The following ZNF804B variants were observed in gnomAD, a reference collection of about 807,000 sequenced individuals.
ZNF804B encodes the protein zinc finger 804B.
A neutral mutation model predicts 101.4 loss-of-function variants in ZNF804B; 80 were observed. The ratio of observed to expected loss-of-function variants is 0.79; its 90% CI spans 0.66 to 0.95. The LOEUF (loss-of-function observed/expected upper bound fraction) is 0.95, where lower values mean the gene tolerates loss of function less well. Ranked by LOEUF, ZNF804B falls within the 40% of genes least tolerant of loss-of-function variation. ZNF804B has a pLI of 0.00. For synonymous variants in ZNF804B, 622 were observed against 558.8 expected (o/e 1.11, Z -1.59); for missense variants, 1,673 against 1,561.9 (o/e 1.07, Z -1.20).
At chr7:88,913,662 C>T (rs545163479) in intron 1 of ZNF804B, among the ~76,000 whole-genome samples, 1 of 152,318 alleles carries the variant, frequency 6.6e-6, no homozygotes, top group East Asian at 1.9e-4. Flanking sequence ...TCCCAAAGTG[C>T]TGGGATTACA....
intron 1 of ZNF804B, among the ~76,000 whole-genome samples, chr7:89,001,633 GA>G: frequency 6.6e-6 from 1 of 152,020 alleles, no homozygotes; most frequent in African/African-American, 2.4e-5. Flanking sequence ...AATTATGGTA[GA>G]AAATATGAAG....
chr7:89,041,316 G>T (rs1789014413), intron 1 of ZNF804B, among the ~76,000 whole-genome samples: 1 of 152,140 alleles, frequency 6.6e-6, no homozygotes, highest in Admixed American at 6.5e-5. Flanking sequence ...TGGTAGGCCT[G>T]CTACCTGTAT....
chr7:89,025,289 T>C (rs1397160946), intron 1 of ZNF804B, among the ~76,000 whole-genome samples: 1 of 152,130 alleles, frequency 6.6e-6, no homozygotes, highest in South Asian at 2.1e-4. Context: ...ACATAAGTTT[T>C]GTTATTTGTA....
intron 1 of ZNF804B, among the ~76,000 whole-genome samples, chr7:88,882,633 C>T (rs572519828): frequency 6.6e-6 from 1 of 152,224 alleles, no homozygotes; most frequent in East Asian, 1.9e-4. Flanking sequence ...AGGTGCCCAT[C>T]AGTGGTTGAC....
At chr7:88,925,926 T>C (rs1792790482) in intron 1 of ZNF804B, among the ~76,000 whole-genome samples, 1 of 152,160 alleles carries the variant, frequency 6.6e-6, no homozygotes, top group Non-Finnish European at 1.5e-5. Context: ...TGTGACATGC[T>C]TCCTATGCAG....
chr7:89,015,016 T>A (rs1023519779), intron 1 of ZNF804B, among the ~76,000 whole-genome samples: 3 of 152,208 alleles, frequency 2.0e-5, no homozygotes, highest in African/African-American at 7.2e-5. Context: ...CATTTTGAGT[T>A]GATTTTTTGC....
intron 1 of ZNF804B, among the ~76,000 whole-genome samples, chr7:89,090,615 C>T (rs1378677360): frequency 6.6e-6 from 1 of 151,944 alleles, no homozygotes; most frequent in African/African-American, 2.4e-5. Flanking sequence ...GGAAATTCAG[C>T]ATTACTAATT....
intron 1 of ZNF804B, among the ~76,000 whole-genome samples, chr7:89,038,102 ATCTTG>A (rs1369948271): frequency 6.6e-6 from 1 of 152,150 alleles, no homozygotes; most frequent in Non-Finnish European, 1.5e-5. Context: ...TTGATTCCAT[ATCTTG>A]TCTTGTGTCA....
chr7:89,335,848 G>C lies in ZNF804B; in HGVS notation c.2866G>C (p.Glu956Gln). 6.2e-7 allele frequency: 1 copy of C among 1,614,070 alleles called. No individual in the cohort carries two copies. Among genetic ancestry groups the C allele is most frequent in the Non-Finnish European group, 8.5e-7 (1 of 1,179,978 alleles). The change falls in exon 4 of 4, where the codon GAG (glutamate) becomes CAG (glutamine). Residue 956 changes from glutamate to glutamine, a missense_variant. Transcript: ENST00000333190. ...ISSNSCKSEL[E>Q]APSQVPCTIQ... ...TTCAAACAGTTGTAAAAGTGAATTA[G>C]AGGCTCCTTCGCAAGTCCCATGCAC...
intron 1 of ZNF804B, among the ~76,000 whole-genome samples, chr7:88,949,006 A>G (rs143010017): frequency 2.0e-5 from 3 of 151,546 alleles, no homozygotes; most frequent in African/African-American, 4.8e-5. Context: ...TTTGTATACT[A>G]TGTGAAGTAT....
intron 1 of ZNF804B, among the ~76,000 whole-genome samples, chr7:88,782,189 G>A (rs1790239649): frequency 6.6e-6 from 1 of 151,234 alleles, no homozygotes; most frequent in Non-Finnish European, 1.5e-5. Context: ...GGGAGGAGAG[G>A]GTGACAGGGT....
chr7:89,197,027 A>C, intron 1 of ZNF804B, among the ~76,000 whole-genome samples: 1 of 143,350 alleles, frequency 7.0e-6, no homozygotes, highest in African/African-American at 2.4e-5. Context: ...GTGGGAGTGT[A>C]AATTAGTTCA....
chr7:89,114,456 C>T (rs530549114), intron 1 of ZNF804B, among the ~76,000 whole-genome samples: 1 of 152,266 alleles, frequency 6.6e-6, no homozygotes, highest in African/African-American at 2.4e-5. Context: ...GACATTGCAG[C>T]ACATTTGAAT....
intron 1 of ZNF804B, among the ~76,000 whole-genome samples, chr7:88,868,965 A>G (rs1158529855): frequency 6.6e-6 from 1 of 152,230 alleles, no homozygotes; most frequent in Non-Finnish European, 1.5e-5. Context: ...AGAATCACCT[A>G]TTGAAGATGC....
At chr7:88,836,737 G>T (rs557047555) in intron 1 of ZNF804B, among the ~76,000 whole-genome samples, 7 of 151,576 alleles carry the variant, frequency 4.6e-5, no homozygotes, top group Non-Finnish European at 1.0e-4. Context: ...TATGCAATTC[G>T]CTCTTTCCCA....
intron 1 of ZNF804B, among the ~76,000 whole-genome samples, chr7:88,801,205 A>G (rs1376903332): frequency 6.6e-6 from 1 of 151,900 alleles, no homozygotes; most frequent in Non-Finnish European, 1.5e-5. Flanking sequence ...TTCCACCAGG[A>G]ATGGAACCCT....
At chr7:89,314,271 C>A (rs1790687753) in intron 2 of ZNF804B, among the ~76,000 whole-genome samples, 1 of 151,982 alleles carries the variant, frequency 6.6e-6, no homozygotes, top group South Asian at 2.1e-4. Flanking sequence ...TAAAATTGAC[C>A]ATAGACAACT....
chr7:88,854,527 T>TTTCCTTTCCTTCCCTTCC lies in ZNF804B; in HGVS notation c.108+94449_108+94450insTCCTTCCCTTCCTTCCTT, dbSNP rs1791519535. Reference sequence around the variant, plus strand: ...CTTTCCTTTCCTTTCCTTTCCTTCCTTTCCTTCCTTCCTTCCTTCCTTCCT... The same window carrying TTTCCTTTCCTTCCCTTCC: ...CTTTCCTTTCCTTTCCTTTCCTTCCTTTCCTTTCCTTCCCTTCCTTCCTTCCTTCCTTCCTTCCTTCCT... On this transcript the variant is annotated intron_variant, in intron 1 of 3. Coordinates refer to ENST00000333190, the MANE Select transcript of ZNF804B (RefSeq NM_181646.5). Among the ~76,000 whole-genome samples the TTTCCTTTCCTTCCCTTCC allele has an allele frequency of 8.5e-4, 34 of 40,082 alleles. 1 individual carries two copies. The East Asian group carries it at 8.7e-3, about 10-fold the overall frequency. The allele number at this position is 40,082 out of a possible 152,430, so 26.3% of individuals were successfully genotyped here.
rs2115982981 is a variant in ZNF804B at position 89,327,419 on chromosome 7, GA to G, written c.330del (p.Ala111HisfsTer11). ...SKSWKDEKKQ[E>X]KALKRLHQLA... The stretch of plus-strand genomic sequence containing the variant: ...GTCATGGAAAGATGAGAAAAAACAA[GA>G]AAAAGCACTTAAACGACTTCATCAG... On this transcript the variant is annotated frameshift_variant, in exon 3 of 4. Transcript: ENST00000333190. LOFTEE classifies it high-confidence loss of function. 6.2e-7 allele frequency: 1 copy of G among 1,611,234 alleles called. No individual in the cohort carries two copies. Among genetic ancestry groups the G allele is most frequent in the Non-Finnish European group, 8.5e-7 (1 of 1,178,502 alleles).
Sources: gnomAD v4.1 joint callset for allele counts (sites outside exome capture counted in the v4.1 genomes callset) on GRCh38, gnomAD v4.1.1 for gene constraint, MANE v1.5 for transcripts, NCBI Gene and HGNC (gene_info 2026-07-23, HGNC 2026-07-21) for gene names.